NAA11: variants seen among roughly 807,000 people sequenced by gnomAD.
NAA11 encodes N-alpha-acetyltransferase 11, NatA catalytic subunit, also known as N-alpha-acetyltransferase 11.
Under a neutral mutation model 16.1 loss-of-function variants are expected in NAA11, and 15 were observed. The ratio of observed to expected loss-of-function variants is 0.93; its 90% CI spans 0.62 to 1.44. The LOEUF is 1.44. Ranked by LOEUF, NAA11 falls within the 40% of genes most tolerant of loss-of-function variation. The pLI is 0.00. For missense variants in NAA11, 298 were observed against 291.3 expected (o/e 1.02, Z -0.17); for synonymous variants, 122 against 112.4 (o/e 1.09, Z -0.54).
the NAA11 span, among the ~76,000 whole-genome samples, chr4:79,196,819 C>G: frequency 6.6e-6 from 1 of 151,222 alleles, no homozygotes; most frequent in Non-Finnish European, 1.5e-5. Context: ...CACAAGAGTC[C>G]TTTAAATGTT....
At chr4:79,207,347 T>G in the NAA11 span, among the ~76,000 whole-genome samples, 1 of 125,128 alleles carries the variant, frequency 8.0e-6, no homozygotes. Context: ...TTTAAGGAGG[T>G]AATTAAGGTT....
chr4:79,159,497 C>T, the NAA11 span, among the ~76,000 whole-genome samples: 1 of 152,142 alleles, frequency 6.6e-6, no homozygotes, highest in African/African-American at 2.4e-5. Flanking sequence ...ATGTAAACAT[C>T]ACTATTTTAA....
At chr4:79,278,258 C>T (rs1164580841) in intron 2 of NAA11, among the ~76,000 whole-genome samples, 1 of 152,104 alleles carries the variant, frequency 6.6e-6, no homozygotes, top group Non-Finnish European at 1.5e-5. Context: ...CCCTCAAATT[C>T]ATCTTCCATG....
chr4:79,167,049 GGAGGTAT>G, the NAA11 span, among the ~76,000 whole-genome samples: 1 of 136,936 alleles, frequency 7.3e-6, no homozygotes, highest in Non-Finnish European at 1.6e-5. Context: ...GCTGGAGGAT[GGAGGTAT>G]GAGGTATGGG....
intron 2 of NAA11, chr4:79,227,348 A>G (rs1721340695): frequency 6.6e-6 from 1 of 152,080 alleles, no homozygotes; most frequent in Non-Finnish European, 1.5e-5. Context: ...CAAGTGGGCA[A>G]AGGACATGAA....
At chr4:79,167,270 T>TAGAG in the NAA11 span, among the ~76,000 whole-genome samples, 2,444 of 98,442 alleles carry the variant, frequency 0.025, 49 homozygotes, top group Non-Finnish European at 0.033. Flanking sequence ...TATATATATA[T>TAGAG]AGAGAGAGAG....
At chr4:79,285,948 TC>T in intron 2 of NAA11, among the ~76,000 whole-genome samples, 1 of 152,162 alleles carries the variant, frequency 6.6e-6, no homozygotes, top group South Asian at 2.1e-4. Flanking sequence ...ATAGGTAGTA[TC>T]AAGGATGGGC....
intron 2 of NAA11, chr4:79,226,347 T>C (rs1721311955): frequency 6.6e-6 from 1 of 152,042 alleles, no homozygotes; most frequent in Non-Finnish European, 1.5e-5. Flanking sequence ...TGCACACATC[T>C]CTTCTGATCA....
chr4:79,265,052 T>A (rs1393571203), intron 2 of NAA11, among the ~76,000 whole-genome samples: 2 of 152,206 alleles, frequency 1.3e-5, no homozygotes, highest in Admixed American at 1.3e-4. Flanking sequence ...ACCTTTCCTT[T>A]TACAATTTTC....
chr4:79,229,632 T>TTTAATAATTA (rs1721410556), intron 2 of NAA11, among the ~76,000 whole-genome samples: 1 of 151,990 alleles, frequency 6.6e-6, no homozygotes, highest in Non-Finnish European at 1.5e-5. Flanking sequence ...TCCATTGGTC[T>TTTAATAATTA]GTATTTAATA....
At chr4:79,161,678 GTT>G in the NAA11 span, among the ~76,000 whole-genome samples, 1 of 143,060 alleles carries the variant, frequency 7.0e-6, no homozygotes. Context: ...CTTTTACTTA[GTT>G]TTTTTTTTTT....
At chr4:79,246,392 A>G (rs1226655638) in intron 2 of NAA11, among the ~76,000 whole-genome samples, 2 of 33,994 alleles carry the variant, frequency 5.9e-5, no homozygotes, top group Non-Finnish European at 7.9e-5. Flanking sequence ...AAAAAAAAAA[A>G]AAAAAAAGAA....
chr4:79,292,173 C>G (rs1723102232), intron 2 of NAA11, among the ~76,000 whole-genome samples: 1 of 152,182 alleles, frequency 6.6e-6, no homozygotes, highest in Non-Finnish European at 1.5e-5. Flanking sequence ...TTTTCCCCTA[C>G]CACCCACTAC....
At chr4:79,300,890 A>C (rs893446070) in intron 1 of NAA11, among the ~76,000 whole-genome samples, 4 of 152,286 alleles carry the variant, frequency 2.6e-5, no homozygotes, top group Middle Eastern at 3.4e-3. Flanking sequence ...AGGTATGATA[A>C]GGGCCTGAAA....
At chr4:79,273,153 G>C (rs1449627540) in intron 2 of NAA11, among the ~76,000 whole-genome samples, 1 of 151,890 alleles carries the variant, frequency 6.6e-6, no homozygotes, top group Non-Finnish European at 1.5e-5. Context: ...GAGATTCAAA[G>C]GACTCCATAG....
At chr4:79,218,711 T>G in the NAA11 span, among the ~76,000 whole-genome samples, 4 of 152,128 alleles carry the variant, frequency 2.6e-5, no homozygotes, top group Admixed American at 2.0e-4. Flanking sequence ...CTTCTTTGCT[T>G]CTTCTGTTAC....
At chr4:79,250,839 C>T (rs1291118206) in intron 2 of NAA11, among the ~76,000 whole-genome samples, 1 of 152,130 alleles carries the variant, frequency 6.6e-6, no homozygotes, top group Admixed American at 6.5e-5. Context: ...CAAAAGAAGA[C>T]ATACATGGGC....
the NAA11 span, chr4:79,197,432 T>C: frequency 1.3e-5 from 2 of 152,150 alleles, no homozygotes; most frequent in African/African-American, 2.4e-5. Context: ...GGACTCATTA[T>C]GGGTGAAGGG....
chr4:79,275,276 T>C (rs1234728719), intron 2 of NAA11, among the ~76,000 whole-genome samples: 1 of 152,060 alleles, frequency 6.6e-6, no homozygotes, highest in African/African-American at 2.4e-5. Context: ...TTAGAGAAAA[T>C]AGAGACCAAG....
Sources: gnomAD v4.1 joint callset for allele counts (sites outside exome capture counted in the v4.1 genomes callset) on GRCh38, gnomAD v4.1.1 for gene constraint, MANE v1.5 for transcripts, NCBI Gene and HGNC (gene_info 2026-07-23, HGNC 2026-07-21) for gene names.